The following PLEKHG1 variants were observed in gnomAD, a reference collection of about 807,000 sequenced individuals.
PLEKHG1 encodes the protein pleckstrin homology and RhoGEF domain containing G1.
Under a neutral mutation model 100.8 loss-of-function variants are expected in PLEKHG1, and 44 were observed. The observed-to-expected ratio is 0.44, with a 90% confidence interval of 0.34 to 0.56. The LOEUF is 0.56. Among genes scored for constraint, PLEKHG1 ranks in the 20% least tolerant of loss-of-function variants. The pLI, the probability that PLEKHG1 is intolerant of heterozygous loss-of-function variation, is 0.01. For synonymous variants in PLEKHG1, 640 were observed against 662.5 expected (o/e 0.97, Z 0.52); for missense variants, 1,545 against 1,720.9 (o/e 0.90, Z 1.81).
chr6:150,617,496 A>T (rs563559760), intron 1 of PLEKHG1, among the ~76,000 whole-genome samples: 1 of 152,168 alleles, frequency 6.6e-6, no homozygotes, highest in African/African-American at 2.4e-5. Context: ...GTTTTTAATG[A>T]CCTCAAAAGT....
At chr6:150,709,380 A>C (rs1781160709) in intron 3 of PLEKHG1, among the ~76,000 whole-genome samples, 1 of 152,214 alleles carries the variant, frequency 6.6e-6, no homozygotes, top group African/African-American at 2.4e-5. Context: ...ATTTTCCTGC[A>C]CAAAGGCCAC....
chr6:150,795,992 C>A, intron 5 of PLEKHG1, 90 bp downstream of exon 6: 1 of 825,486 alleles, frequency 1.2e-6, no homozygotes, highest in Admixed American at 1.8e-5. Flanking sequence ...GTTAGGCATT[C>A]TGTGCCTGGC....
At chr6:150,794,594 G>C (rs1786205159) in intron 4 of PLEKHG1, among the ~76,000 whole-genome samples, 9 of 152,122 alleles carry the variant, frequency 5.9e-5, no homozygotes, top group Admixed American at 5.9e-4. Context: ...TTGAACCCAG[G>C]AGGCAGAGGT....
At chr6:150,606,471 T>C (rs916531689) in intron 1 of PLEKHG1, among the ~76,000 whole-genome samples, 1 of 152,148 alleles carries the variant, frequency 6.6e-6, no homozygotes, top group Admixed American at 6.5e-5. Context: ...CCTTCCCAGC[T>C]CTGGCAAGCC....
intron 3 of PLEKHG1, chr6:150,686,868 G>A (rs1780154476): frequency 6.5e-6 from 1 of 152,812 alleles, no homozygotes; most frequent in Admixed American, 6.5e-5. Flanking sequence ...GGCGACCTGG[G>A]GAGCATGCTG....
intron 3 of PLEKHG1, among the ~76,000 whole-genome samples, chr6:150,676,499 C>A (rs1444650990): frequency 3.9e-5 from 6 of 152,120 alleles, no homozygotes; most frequent in African/African-American, 1.4e-4. Context: ...TGGAGAAAAC[C>A]TGACAGTATA....
intron 3 of PLEKHG1, among the ~76,000 whole-genome samples, chr6:150,688,892 TA>T (rs909578975): frequency 3.9e-5 from 6 of 152,242 alleles, no homozygotes; most frequent in Non-Finnish European, 7.3e-5. Context: ...ATACATAACA[TA>T]AAATTTGCCA....
chr6:150,739,558 C>T (rs1169337184), intron 2 of PLEKHG1, among the ~76,000 whole-genome samples: 1 of 151,784 alleles, frequency 6.6e-6, no homozygotes, highest in East Asian at 1.9e-4. Context: ...GTCCCAGCCG[C>T]TTAGAAGGCT....
At chr6:150,815,831 A>G (rs1453727658) in intron 10 of PLEKHG1, among the ~76,000 whole-genome samples, 2 of 152,238 alleles carry the variant, frequency 1.3e-5, no homozygotes, top group Non-Finnish European at 1.5e-5. Flanking sequence ...CTACCCTTAA[A>G]AAATGAAAAT....
At chr6:150,681,570 T>G (rs1779934619) in intron 3 of PLEKHG1, among the ~76,000 whole-genome samples, 1 of 152,062 alleles carries the variant, frequency 6.6e-6, no homozygotes, top group African/African-American at 2.4e-5. Context: ...AAAAAAGAGT[T>G]GTAGAATTTC....
chr6:150,760,393 A>G (rs1392977569), intron 2 of PLEKHG1, among the ~76,000 whole-genome samples: 1 of 152,218 alleles, frequency 6.6e-6, no homozygotes, highest in African/African-American at 2.4e-5. Context: ...CCTGATGACA[A>G]GGAAGACAAA....
chr6:150,668,103 C>T (rs1779468369), intron 3 of PLEKHG1, among the ~76,000 whole-genome samples: 1 of 152,208 alleles, frequency 6.6e-6, no homozygotes, highest in Non-Finnish European at 1.5e-5. Flanking sequence ...TTGCTGTTGG[C>T]TGTGAAAGCT....
chr6:150,840,391 G>A, exon 16 of PLEKHG1: 1 of 1,614,192 alleles, frequency 6.2e-7, no homozygotes, highest in Non-Finnish European at 8.5e-7. Context: ...AGGTGTGAGA[G>A]TCACCAGGAC....
chr6:150,827,569 C>G, intron 14 of PLEKHG1: 1 of 649,926 alleles, frequency 1.5e-6, no homozygotes, highest in Non-Finnish European at 2.9e-6. Context: ...AGCCACTGTG[C>G]CTGGCCAAAA....
rs1031474124 is a variant in PLEKHG1 at position 150,723,203 on chromosome 6, A to G, written c.-99+2003A>G. 1.3e-5 allele frequency among the ~76,000 whole-genome samples: 2 copies of G among 148,740 alleles called. 1 individual carries two copies. Among genetic ancestry groups the G allele is most frequent in the South Asian group, 4.3e-4 (2 of 4,606 alleles). On this transcript the variant is annotated intron_variant, in intron 1 of 15. Coordinates refer to ENST00000358517, the Ensembl canonical transcript of PLEKHG1. Reference sequence around the variant, plus strand: ...AAGTCACCTAGTCCAGCTGCCTCACATACAAGGAAACCAGAGATGCAAAGA... The same window carrying G: ...AAGTCACCTAGTCCAGCTGCCTCACGTACAAGGAAACCAGAGATGCAAAGA...
At chr6:150,670,876 C>A (rs117322008) in intron 3 of PLEKHG1, among the ~76,000 whole-genome samples, 8 of 151,162 alleles carry the variant, frequency 5.3e-5, no homozygotes, top group East Asian at 1.9e-4. Context: ...CTTGCCCCCC[C>A]CTCCCATTCT....
chr6:150,840,807 C>T lies in PLEKHG1; in HGVS notation c.4069C>T (p.Leu1357Phe), dbSNP rs200473815. 12 of 1,614,130 alleles carry T rather than the reference C, an allele frequency of 7.4e-6. No homozygotes were observed. The highest frequency in any genetic ancestry group is 1.0e-5 in the Non-Finnish European group (12 of 1,179,988). The change falls in exon 16 of 16, where the codon CTT becomes TTT. Residue 1357 changes from leucine to phenylalanine, a missense_variant. Leu to Phe is a conservative substitution (Grantham distance 22). Transcript: ENST00000358517. ...TGATTCTGACAAACTGAATGACTAT[C>T]TTTGGAGGGGGCCATCTCCCAATCA...
exon 16 of PLEKHG1, chr6:150,842,844 G>C (rs760164471): frequency 2.6e-5 from 4 of 152,160 alleles, no homozygotes; most frequent in African/African-American, 7.2e-5. Flanking sequence ...CTCTTGAATA[G>C]CTGGGATTAC....
intron 3 of PLEKHG1, among the ~76,000 whole-genome samples, chr6:150,661,419 G>GT (rs933793264): frequency 1.4e-4 from 22 of 152,086 alleles, no homozygotes; most frequent in Non-Finnish European, 2.6e-4. Context: ...TTAAGCCAGG[G>GT]TTTTTTTTCC....
Sources: gnomAD v4.1 joint callset for allele counts (sites outside exome capture counted in the v4.1 genomes callset) on GRCh38, gnomAD v4.1.1 for gene constraint, MANE v1.5 for transcripts, NCBI Gene and HGNC (gene_info 2026-07-23, HGNC 2026-07-21) for gene names.